PSMG2: variants seen among roughly 807,000 people sequenced by gnomAD.
PSMG2 encodes CD40 ligand-activated specific transcript 3.
A neutral mutation model predicts 31.5 loss-of-function variants in PSMG2; 21 were observed. The observed-to-expected ratio is 0.67, with a 90% CI of 0.47 to 0.96. The LOEUF is 0.96. Ranked by LOEUF, PSMG2 falls within the 40% of genes least tolerant of loss-of-function variation. PSMG2 has a pLI of 0.00. For missense variants in PSMG2, 318 were observed against 321.2 expected (o/e 0.99, Z 0.08); for synonymous variants, 120 against 110.4 (o/e 1.09, Z -0.54).
chr18:12,697,933 A>C (rs2040012165), intron 1 of PSMG2, among the ~76,000 whole-genome samples: 2 of 152,206 alleles, frequency 1.3e-5, no homozygotes, highest in Admixed American at 1.3e-4. Flanking sequence ...AAAATTGTGA[A>C]GACATTCTGA....
At chr18:12,687,087 GA>G (rs2039564981) in intron 1 of PSMG2, among the ~76,000 whole-genome samples, 1 of 152,124 alleles carries the variant, frequency 6.6e-6, no homozygotes, top group Non-Finnish European at 1.5e-5. Context: ...CTACCACTGT[GA>G]TTTTACAGTG....
upstream of PSMG2, among the ~76,000 whole-genome samples, chr18:12,698,151 TTTTA>T (rs1452287642): frequency 1.4e-5 from 2 of 147,000 alleles, no homozygotes; most frequent in Non-Finnish European, 3.0e-5. Context: ...AAATTTGACT[TTTTA>T]TTTTATTTAT....
intron 1 of PSMG2, among the ~76,000 whole-genome samples, chr18:12,689,229 TTGAC>T (rs775251625): frequency 1.3e-5 from 2 of 152,236 alleles, no homozygotes; most frequent in Non-Finnish European, 2.9e-5. Flanking sequence ...TATAATTAGA[TTGAC>T]TGTTTTACAC....
intron 2 of PSMG2, among the ~76,000 whole-genome samples, chr18:12,707,272 T>C (rs1042183684): frequency 3.9e-5 from 6 of 152,200 alleles, no homozygotes; most frequent in Non-Finnish European, 7.3e-5. Context: ...CTTGTATCTT[T>C]TCTAGAATTT....
intron 1 of PSMG2, among the ~76,000 whole-genome samples, chr18:12,688,096 T>A (rs886085128): frequency 3.3e-5 from 5 of 151,496 alleles, no homozygotes; most frequent in African/African-American, 1.2e-4. Flanking sequence ...ACAAAAAAAA[T>A]TAGCCAGGCA....
chr18:12,717,638 G>A (rs369655939), intron 3 of PSMG2, among the ~76,000 whole-genome samples: 18 of 152,334 alleles, frequency 1.2e-4, no homozygotes, highest in East Asian at 5.8e-4. Flanking sequence ...AATTTCCACA[G>A]CTGTTCCGAA....
At chr18:12,678,043 C>CAA (rs1195611794) in intron 1 of PSMG2, 2 of 1,329,568 alleles carry the variant, frequency 1.5e-6, no homozygotes, top group Non-Finnish European at 2.1e-6. Flanking sequence ...ATCACACACA[C>CAA]CAAAAAACAG....
upstream of PSMG2, chr18:12,700,475 A>T (rs1043065945): frequency 1.3e-5 from 2 of 153,266 alleles, no homozygotes; most frequent in Admixed American, 1.3e-4. Context: ...GCACTGAGAG[A>T]CTATCATCCC....
chr18:12,690,367 A>G (rs563516118), intron 1 of PSMG2, among the ~76,000 whole-genome samples: 8 of 152,348 alleles, frequency 5.3e-5, no homozygotes, highest in Admixed American at 2.6e-4. Flanking sequence ...CTATACTTAT[A>G]TGAAAGCATC....
upstream of PSMG2, chr18:12,699,213 G>A (rs781550542): frequency 8.3e-6 from 13 of 1,571,164 alleles, no homozygotes; most frequent in South Asian, 1.3e-4. Flanking sequence ...GCTGTAAAGT[G>A]TAGCAATATA....
intron 1 of PSMG2, among the ~76,000 whole-genome samples, chr18:12,688,985 G>A (rs1327091617): frequency 3.3e-5 from 5 of 152,014 alleles, no homozygotes; most frequent in African/African-American, 4.8e-5. Flanking sequence ...ATGGTGGCAC[G>A]TGCCTGTAGT....
At chr18:12,697,097 ACT>A (rs2039983507) in intron 1 of PSMG2, 1 of 655,350 alleles carries the variant, frequency 1.5e-6, no homozygotes, top group Non-Finnish European at 2.5e-6. Context: ...TCCAATTGTA[ACT>A]CTAACGAAAT....
chr18:12,717,874 A>G (rs940794871), intron 3 of PSMG2, among the ~76,000 whole-genome samples: 23 of 152,184 alleles, frequency 1.5e-4, no homozygotes, highest in African/African-American at 5.3e-4. Flanking sequence ...CCCTTCACAG[A>G]TGACCATGTA....
upstream of PSMG2, chr18:12,701,085 AT>A (rs1383003723): frequency 6.2e-7 from 1 of 1,613,010 alleles, no homozygotes; most frequent in Non-Finnish European, 8.5e-7. Context: ...CTCAGCAAGG[AT>A]TTCTCTTATT....
chr18:12,662,194 A>G, intron 1 of PSMG2: 1 of 444,358 alleles, frequency 2.3e-6, no homozygotes, highest in South Asian at 1.6e-5. Context: ...CAGAAAGGAA[A>G]AAAAAAAAAC....
In PSMG2 at chr18:12,707,114, C is replaced by G. The variant is rs1377498010; in HGVS notation, c.229+393C>G. ...GGGACTACAGGTGCCTGCCACCGCA[C>G]CTGGCTAATTTTTTGTATTTTTTTA... is the stretch of plus-strand genomic sequence containing the variant. On this transcript the variant is annotated intron_variant, in intron 2 of 6. Transcript: ENST00000317615. Among the ~76,000 whole-genome samples, 5 of 152,172 alleles carry G rather than the reference C, an allele frequency of 3.3e-5. No homozygotes were observed. The East Asian group carries it at 9.6e-4, about 29-fold the overall frequency.
chr18:12,719,599 G>A (rs2040411020), intron 4 of PSMG2, among the ~76,000 whole-genome samples: 1 of 152,030 alleles, frequency 6.6e-6, no homozygotes, highest in South Asian at 2.1e-4. Flanking sequence ...TGTTGGCCAG[G>A]CTGGTCTCAA....
chr18:12,675,548 T>C (rs192089872), intron 1 of PSMG2, among the ~76,000 whole-genome samples: 26 of 152,220 alleles, frequency 1.7e-4, no homozygotes, highest in African/African-American at 5.8e-4. Context: ...TTACTGAACA[T>C]GTACTCTATA....
At chr18:12,717,999 CTTTTTCT>C (rs1444820443) in intron 3 of PSMG2, among the ~76,000 whole-genome samples, 6 of 147,316 alleles carry the variant, frequency 4.1e-5, no homozygotes, top group South Asian at 2.1e-4. Flanking sequence ...GATTTCTTTT[CTTTTTCT>C]TTTTTCTTTT....
Sources: allele counts gnomAD v4.1 joint callset (sites outside exome capture counted in the v4.1 genomes callset), GRCh38; gene constraint gnomAD v4.1.1; transcripts MANE v1.5; gene names NCBI Gene and HGNC (gene_info 2026-07-23, HGNC 2026-07-21).